The following PLCE1 variants were observed in gnomAD, a reference collection of about 807,000 sequenced individuals.
PLCE1 encodes the protein 1-phosphatidylinositol 4,5-bisphosphate phosphodiesterase epsilon-1.
In PLCE1, 119 loss-of-function variants were observed where a neutral mutation model predicts 242.8. The ratio of observed to expected loss-of-function variants is 0.49; its 90% CI spans 0.42 to 0.57. PLCE1 has a LOEUF of 0.57. Ranked by LOEUF, PLCE1 falls within the 20% of genes least tolerant of loss-of-function variation. PLCE1 has a pLI of 0.00. For missense variants in PLCE1, 2,441 were observed against 2,788.8 expected (o/e 0.88, Z 2.81); for synonymous variants, 945 against 1,017.4 (o/e 0.93, Z 1.35).
intron 4 of PLCE1, among the ~76,000 whole-genome samples, chr10:94,210,409 G>A (rs374851108): frequency 6.6e-6 from 1 of 151,988 alleles, no homozygotes; most frequent in Non-Finnish European, 1.5e-5. Flanking sequence ...TCCCAAACAG[G>A]TCTGTCACTT....
At chr10:94,112,440 C>A (rs1160270655) in intron 2 of PLCE1, among the ~76,000 whole-genome samples, 1 of 152,076 alleles carries the variant, frequency 6.6e-6, no homozygotes, top group Non-Finnish European at 1.5e-5. Flanking sequence ...TTATTGCTTT[C>A]TTAAAAATTT....
At position 94,031,080 on chromosome 10, in the gene PLCE1, A is replaced by G; in HGVS notation, c.34A>G (p.Ile12Val). ...TGAAGAAATGACAGCTTCTGTTCTC[A>G]TACCTGTGACTCAGAGAAAAGTGGT... ...TSEEMTASVL[I>V]PVTQRKVVSA... The change falls in exon 2 of 33, where the codon ATA (isoleucine) becomes GTA (valine). Residue 12 changes from isoleucine to valine, a missense_variant. Ile to Val is a conservative substitution (Grantham distance 29, BLOSUM62 3). Transcript: ENST00000371380. 6.2e-7 allele frequency: 1 copy of G among 1,613,124 alleles called. No homozygotes were observed. Among genetic ancestry groups the G allele is most frequent in the African/African-American group, 1.3e-5 (1 of 75,016 alleles).
At position 94,269,053 on chromosome 10, in the gene PLCE1, T is replaced by C; in HGVS notation, c.4389+17T>C. The C allele has an allele frequency of 7.6e-7, 1 of 1,308,624 alleles. No individual in the cohort carries two copies. The highest frequency in any genetic ancestry group is 1.1e-6 in the Non-Finnish European group (1 of 902,522). The allele number at this position is 1,308,624 out of a possible 1,614,324, so 81.1% of individuals were successfully genotyped here. A position where few individuals can be genotyped will look rare whatever the true frequency, so the allele number is the denominator to read the frequency against. The stretch of plus-strand genomic sequence containing the variant: ...CCCTTCAAGGTAATCCTTCATAACT[T>C]TCTTTAAATCAAATCACAAAGAGAC... On this transcript the variant is annotated intron_variant, in intron 17 of 32. Coordinates refer to ENST00000371380, the MANE Select transcript of PLCE1 (RefSeq NM_016341.4).
chr10:94,112,548 G>T lies in PLCE1; in HGVS notation c.1207-19626G>T, dbSNP rs1263072078. ...CAAATTATTCTTGCTTTGAATGATT[G>T]TTTCCATTGGAACAAGAGTTCCCAA... On this transcript the variant is annotated intron_variant, in intron 2 of 32. Transcript: ENST00000371380. Among the ~76,000 whole-genome samples, 5 of 152,212 alleles carry T rather than the reference G, an allele frequency of 3.3e-5. No individual in the cohort carries two copies. The East Asian group carries it at 7.7e-4, about 23-fold the overall frequency.
intron 4 of PLCE1, among the ~76,000 whole-genome samples, chr10:94,187,855 T>C (rs2136547023): frequency 6.6e-6 from 1 of 152,320 alleles, no homozygotes; most frequent in South Asian, 2.1e-4. Context: ...AAGTTGTATG[T>C]AAATCATTAG....
chr10:94,029,713 G>A (rs1392434567), intron 1 of PLCE1, among the ~76,000 whole-genome samples: 1 of 152,140 alleles, frequency 6.6e-6, no homozygotes, highest in Non-Finnish European at 1.5e-5. Flanking sequence ...GGATTAAGGG[G>A]TAGTTGATGA....
At position 94,091,455 on chromosome 10, in the gene PLCE1, TG is replaced by T. The variant is rs555880820; in HGVS notation, c.1207-40715del. Among the ~76,000 whole-genome samples the T allele has an allele frequency of 2.3e-4, 35 of 152,282 alleles. 1 individual carries two copies. In the East Asian group the frequency reaches 6.7e-3, roughly 29 times the overall value. On this transcript the variant is annotated intron_variant, in intron 2 of 32. Transcript: ENST00000371380. ...TTACAACACAGCTTCTGAGGCTCTT[TG>T]GGGTGTGAGGAGTAGATTGAGAGGG...
chr10:94,020,900 G>A (rs2061364604), intron 1 of PLCE1, among the ~76,000 whole-genome samples: 2 of 152,078 alleles, frequency 1.3e-5, no homozygotes, highest in Non-Finnish European at 2.9e-5. Flanking sequence ...CATAATCTTT[G>A]CTCACTGCAG....
chr10:94,150,886 G>C (rs1420864394), intron 3 of PLCE1, among the ~76,000 whole-genome samples: 1 of 152,192 alleles, frequency 6.6e-6, no homozygotes, highest in Non-Finnish European at 1.5e-5. Context: ...CTGCAGCCCT[G>C]ATTTGCACAG....
chr10:94,162,523 G>A (rs2047651385), intron 3 of PLCE1, among the ~76,000 whole-genome samples: 2 of 151,992 alleles, frequency 1.3e-5, no homozygotes, highest in Admixed American at 6.6e-5. Context: ...ATTTTTTATT[G>A]CGTCTATTTG....
intron 23 of PLCE1, among the ~76,000 whole-genome samples, chr10:94,294,703 T>C (rs979141558): frequency 2.0e-5 from 3 of 152,106 alleles, no homozygotes; most frequent in Non-Finnish European, 4.4e-5. Context: ...CTGTAGCAAG[T>C]TGTAATATTT....
At chr10:94,256,223 G>A (rs760988953) in intron 11 of PLCE1, among the ~76,000 whole-genome samples, 2 of 150,848 alleles carry the variant, frequency 1.3e-5, no homozygotes, top group Non-Finnish European at 2.9e-5. Context: ...TCAGGAGGCT[G>A]AGGTGTGAGA....
intron 2 of PLCE1, among the ~76,000 whole-genome samples, chr10:94,060,802 T>C (rs1295936560): frequency 2.0e-5 from 3 of 151,702 alleles, no homozygotes; most frequent in African/African-American, 7.3e-5. Context: ...GCTCAAGTAG[T>C]CCTCCTACCT....
intron 3 of PLCE1, among the ~76,000 whole-genome samples, chr10:94,157,083 ATGAG>A (rs1026663382): frequency 6.6e-6 from 1 of 152,074 alleles, no homozygotes; most frequent in Non-Finnish European, 1.5e-5. Flanking sequence ...GACATTTTAT[ATGAG>A]TAAGTGAGGT....
At chr10:94,144,331 A>T (rs371411170) in intron 3 of PLCE1, among the ~76,000 whole-genome samples, 87 of 152,258 alleles carry the variant, frequency 5.7e-4, no homozygotes, top group African/African-American at 2.1e-3. Flanking sequence ...GTGTGTGTGC[A>T]TACATGGAGT....
At chr10:94,004,476 G>A (rs1284686708) in intron 1 of PLCE1, among the ~76,000 whole-genome samples, 1 of 152,150 alleles carries the variant, frequency 6.6e-6, no homozygotes, top group Non-Finnish European at 1.5e-5. Context: ...AAAAATTAAA[G>A]GTCAAATACT....
intron 2 of PLCE1, among the ~76,000 whole-genome samples, chr10:94,116,448 A>G (rs560729687): frequency 2.0e-5 from 3 of 152,282 alleles, no homozygotes; most frequent in African/African-American, 4.8e-5. Context: ...TAATCCCAAC[A>G]CTTTGGGAGG....
chr10:94,106,055 C>A (rs2045721555), intron 2 of PLCE1: 1 of 152,222 alleles, frequency 6.6e-6, no homozygotes, highest in South Asian at 2.1e-4. Context: ...TGAGGCAGAG[C>A]TGGGATTCAA....
intron 2 of PLCE1, among the ~76,000 whole-genome samples, chr10:94,075,625 AT>A (rs2044477703): frequency 6.6e-6 from 1 of 152,208 alleles, no homozygotes; most frequent in African/African-American, 2.4e-5. Flanking sequence ...CTTTGTTTGA[AT>A]GAAGGGAATA....
Sources: allele counts gnomAD v4.1 joint callset (sites outside exome capture counted in the v4.1 genomes callset), GRCh38; gene constraint gnomAD v4.1.1; transcripts MANE v1.5; gene names NCBI Gene and HGNC (gene_info 2026-07-23, HGNC 2026-07-21).